Variants in MAP3K14 observed in about 807,000 individuals in gnomAD.
The protein encoded by MAP3K14 is NF-kappa-beta-inducing kinase.
A neutral mutation model predicts 99.2 loss-of-function variants in MAP3K14; 16 were observed. The ratio of observed to expected loss-of-function variants is 0.16; its 90% CI spans 0.11 to 0.24. The LOEUF is 0.24. MAP3K14 is among the 10% of genes least tolerant of loss of function. The pLI is 1.00. For missense variants in MAP3K14, 784 were observed against 1,208.7 expected, an observed-to-expected ratio of 0.65 and a Z score of 5.21; for synonymous variants, 462 against 492.4, an observed-to-expected ratio of 0.94 and a Z score of 0.82.
intron 14 of MAP3K14, 177 bp downstream of exon 14, chr17:45,266,360 A>T: frequency 1.4e-6 from 1 of 699,198 alleles, no homozygotes; most frequent in Non-Finnish European, 2.3e-6. Context: ...CTCATGGGTG[A>T]TTGGGACCTT....
At position 45,263,571 on chromosome 17, in the gene MAP3K14, C is replaced by T. The variant is rs1269587550; in HGVS notation, c.*1065G>A. 6.5e-6 allele frequency: 1 copy of T among 152,748 alleles called. No individual in the cohort carries two copies. Among genetic ancestry groups the T allele is most frequent in the African/African-American group, 2.4e-5 (1 of 41,468 alleles). 9.5% of individuals were successfully genotyped at this position (152,748 alleles called of 1,614,324 possible). A position where few individuals can be genotyped will look rare whatever the true frequency, so the allele number is the denominator to read the frequency against. ...TGCTCCTACAGTGTCACTGCCCTGC[C>T]CTGCCCTGCCAGAGGGCAGCCATGA... On this transcript the variant is annotated 3_prime_UTR_variant, in exon 16 of 16. Coordinates refer to ENST00000344686, the MANE Select transcript of MAP3K14 (RefSeq NM_003954.5).
chr17:45,285,044 G>T, intron 5 of MAP3K14, 95 bp from the exon 6 acceptor site: 1 of 1,381,144 alleles, frequency 7.2e-7, no homozygotes, highest in South Asian at 1.4e-5. Context: ...TGGTGACCTT[G>T]CCAGGGCTGC....
rs746338318 is a variant in MAP3K14 at position 45,286,976 on chromosome 17, G to C, written c.607C>G (p.Pro203Ala). 5.0e-6 allele frequency: 8 copies of C among 1,614,068 alleles called. No individual in the cohort carries two copies. Among genetic ancestry groups the C allele is most frequent in the Non-Finnish European group, 6.8e-6 (8 of 1,179,900 alleles). ...TTAAAACAGAGTTGCCCAAGGCCTGGTTCCTTCAGAGGCTTGGTGAACTGC... is the reference window on the plus strand; with the variant it reads ...TTAAAACAGAGTTGCCCAAGGCCTGCTTCCTTCAGAGGCTTGGTGAACTGC... ...TPQFTKPLKE[P>A]GLGQLCFKQL... Residue 203 changes from proline to alanine, a missense_variant, in exon 5 of 16, where the codon CCA (proline) becomes GCA (alanine). Coordinates refer to ENST00000344686, the MANE Select transcript of MAP3K14 (RefSeq NM_003954.5). This position sits in a 1 kb window ranked among gnomAD's most constrained non-coding sequence, Gnocchi z 4.1.
In MAP3K14 at chr17:45,306,958, T is replaced by A. The variant is rs8065182; in HGVS notation, c.-21+10002A>T. Among the ~76,000 whole-genome samples the A allele has an allele frequency of 4.8e-3, 732 of 152,288 alleles. 11 individuals carry two copies. The highest frequency in any genetic ancestry group is 0.017 in the African/African-American group (692 of 41,560). On this transcript the variant is annotated intron_variant, in intron 1 of 15. Coordinates refer to ENST00000344686, the MANE Select transcript of MAP3K14 (RefSeq NM_003954.5). ...GCAACAAGGAATGTTTAATGTATAT[T>A]GTATAAAAAATTTTTCAGGCCGGGA...
intron 1 of MAP3K14, among the ~76,000 whole-genome samples, chr17:45,314,154 C>T (rs2143887946): frequency 6.6e-6 from 1 of 152,330 alleles, no homozygotes; most frequent in Middle Eastern, 3.4e-3. Context: ...TTCAGGCAGT[C>T]ATAAGCCCAG....
chr17:45,306,276 G>A (rs566037472), intron 1 of MAP3K14, among the ~76,000 whole-genome samples: 1 of 152,178 alleles, frequency 6.6e-6, no homozygotes, highest in South Asian at 2.1e-4. Flanking sequence ...AGACTTTTAT[G>A]TCAAAGCCCA....
In MAP3K14 at chr17:45,272,472, C is replaced by T. The variant is rs1428407696; in HGVS notation, c.1657+1031G>A. On this transcript the variant is annotated intron_variant, in intron 9 of 15. Transcript: ENST00000344686. This position sits in a 1 kb window ranked among gnomAD's most constrained non-coding sequence, Gnocchi z 4.1. ...CAATTTACATCTTCAGAATTGCCAA[C>T]ATAGTCCTTTAACAACACACAATCA... Among the ~76,000 whole-genome samples, 5 of 152,200 alleles carry T rather than the reference C, an allele frequency of 3.3e-5. No homozygotes were observed.
At chr17:45,283,725 G>A (rs1471107072) in intron 6 of MAP3K14, among the ~76,000 whole-genome samples, 1 of 152,196 alleles carries the variant, frequency 6.6e-6, no homozygotes, top group African/African-American at 2.4e-5. Context: ...TGCTCTACCT[G>A]TATTTGTTGC....
At chr17:45,309,733 G>T (rs1312692476) in intron 1 of MAP3K14, among the ~76,000 whole-genome samples, 1 of 152,148 alleles carries the variant, frequency 6.6e-6, no homozygotes, top group Non-Finnish European at 1.5e-5. Flanking sequence ...GATGGCTGTG[G>T]AGCCTCTCCT....
chr17:45,307,863 T>C (rs1425702521), intron 1 of MAP3K14, among the ~76,000 whole-genome samples: 5 of 152,234 alleles, frequency 3.3e-5, no homozygotes, highest in Non-Finnish European at 5.9e-5. Context: ...TTCCAATGCA[T>C]GGAAGGAGGC....
chr17:45,305,542 T>C (rs1212411219), intron 1 of MAP3K14, among the ~76,000 whole-genome samples: 1 of 152,110 alleles, frequency 6.6e-6, no homozygotes, highest in African/African-American at 2.4e-5. Context: ...ATTACAGGCA[T>C]GTACCACCAC....
At chr17:45,308,175 C>T (rs543714909) in intron 1 of MAP3K14, among the ~76,000 whole-genome samples, 6 of 152,322 alleles carry the variant, frequency 3.9e-5, no homozygotes, top group African/African-American at 1.4e-4. Context: ...CAGGGCTTAG[C>T]GGGAGGAGTT....
In MAP3K14 at chr17:45,267,481, C is replaced by A. The variant is rs1191396371; in HGVS notation, c.2251G>T (p.Ala751Ser). The A allele has an allele frequency of 6.2e-7, 1 of 1,612,086 alleles. No homozygotes were observed. The stretch of plus-strand genomic sequence containing the variant: ...GGTGAGCTGGGGTTTCTGGCAGGGG[C>A]TGGCTCCAGGGAGGACAGAGGTAAG... ...EPLPLSSLEPAPARNPSSPER... is the reference protein window; with the variant it reads ...EPLPLSSLEPSPARNPSSPER... Residue 751 changes from alanine to serine, a missense_variant, in exon 12 of 16, where the codon GCC becomes TCC. Physicochemically the swap from Ala to Ser is moderately conservative, Grantham distance 99. Coordinates refer to ENST00000344686, the MANE Select transcript of MAP3K14 (RefSeq NM_003954.5). This position sits in a 1 kb window ranked among gnomAD's most constrained non-coding sequence, Gnocchi z 5.1.
At chr17:45,307,148 C>T (rs1313631220) in intron 1 of MAP3K14, among the ~76,000 whole-genome samples, 2 of 152,030 alleles carry the variant, frequency 1.3e-5, no homozygotes, top group Non-Finnish European at 1.5e-5. Flanking sequence ...ATCCCAGCTA[C>T]TCGGGAGGCT....
chr17:45,264,700 G>A lies in MAP3K14; in HGVS notation c.2780C>T (p.Ala927Val). The change falls in exon 16 of 16, where the codon GCC becomes GTC. Residue 927 changes from alanine (A) to valine (V), a missense_variant. By Grantham distance (64) the Ala-to-Val change is moderately conservative. Transcript: ENST00000344686. ...DSGIDLQCTL[A>V]PDGSFAWSWR... The stretch of plus-strand genomic sequence containing the variant: ...GCTCCAGGCGAAGCTGCCATCAGGG[G>A]CCAGTGTGCACTGCAGGTCGATGCC... 6.2e-7 allele frequency: 1 copy of A among 1,607,938 alleles called. No homozygotes were observed.
In MAP3K14 at chr17:45,264,737, C is replaced by T; in HGVS notation, c.2743G>A (p.Val915Met). The T allele has an allele frequency of 6.2e-7, 1 of 1,613,120 alleles. No homozygotes were observed. The change falls in exon 16 of 16, where the codon GTG becomes ATG. Residue 915 changes from valine to methionine, a missense_variant. This residue lies in a region of MAP3K14 where 130 missense variants were observed against 220.4 expected (regional missense o/e 0.59). Coordinates refer to ENST00000344686, the MANE Select transcript of MAP3K14 (RefSeq NM_003954.5). ...DGQPVRYDME[V>M]PDSGIDLQCT... ...TGCAGGTCGATGCCCGAGTCTGGCA[C>T]CTCCATGTCGTAGCGAACAGGCTGC...
intron 11 of MAP3K14, 77 bp downstream of exon 11, chr17:45,270,336 G>GGA (rs2044132653): frequency 6.5e-7 from 1 of 1,528,130 alleles, no homozygotes; most frequent in Admixed American, 1.9e-5. Context: ...GCCTTGCTCT[G>GGA]GACCTGCGCC....
At chr17:45,298,366 G>A (rs777559373) in intron 1 of MAP3K14, among the ~76,000 whole-genome samples, 1 of 152,176 alleles carries the variant, frequency 6.6e-6, no homozygotes, top group Non-Finnish European at 1.5e-5. Context: ...ATATTAGCAT[G>A]TCATTAACCA....
At chr17:45,301,963 G>A (rs754372128) in intron 1 of MAP3K14, among the ~76,000 whole-genome samples, 30 of 151,660 alleles carry the variant, frequency 2.0e-4, no homozygotes, top group Non-Finnish European at 4.0e-4. Context: ...CTCCCAAGTA[G>A]CTGGGACAGG....
Sources: gnomAD v4.1 joint callset for allele counts (sites outside exome capture counted in the v4.1 genomes callset) on GRCh38, gnomAD v4.1.1 for gene constraint, gnomAD v4.1.1 regional missense constraint, Gnocchi (gnomAD v3.1) non-coding constraint, MANE v1.5 for transcripts, NCBI Gene and HGNC (gene_info 2026-07-23, HGNC 2026-07-21) for gene names.